EYS: variants seen among roughly 807,000 people sequenced by gnomAD.
EYS encodes EGF-like photoreceptor maintenance factor, also known as protein eyes shut homolog.
In EYS, 250 loss-of-function variants were observed where a neutral mutation model predicts 282.1. The ratio of observed to expected loss-of-function variants is 0.89; its 90% confidence interval spans 0.80 to 0.98. EYS has a LOEUF of 0.98. Ranked by LOEUF, EYS falls within the 50% of genes least tolerant of loss-of-function variation. EYS has a pLI of 0.00. For synonymous variants in EYS, 1,355 were observed against 1,282.9 expected (o/e 1.06, Z -1.20); for missense variants, 4,016 against 3,709.0 (o/e 1.08, Z -2.15).
intron 2 of EYS, among the ~76,000 whole-genome samples, chr6:65,612,032 ATTATC>A (rs1413692324): frequency 6.6e-6 from 1 of 151,900 alleles, no homozygotes; most frequent in African/African-American, 2.4e-5. Context: ...AACAATACTT[ATTATC>A]TTAACAATTT....
At chr6:65,631,271 G>A (rs1766900544) in intron 2 of EYS, among the ~76,000 whole-genome samples, 1 of 152,148 alleles carries the variant, frequency 6.6e-6, no homozygotes, top group Non-Finnish European at 1.5e-5. Context: ...ATTCTGTCTG[G>A]AGGATGGGGC....
intron 33 of EYS, among the ~76,000 whole-genome samples, chr6:64,064,134 T>C (rs1309277691): frequency 1.3e-5 from 2 of 152,254 alleles, no homozygotes; most frequent in Admixed American, 6.5e-5. Flanking sequence ...TCCTGCATCA[T>C]GTTTCTTTCA....
At chr6:64,661,549 C>T (rs568327016) in intron 22 of EYS, among the ~76,000 whole-genome samples, 93 of 152,116 alleles carry the variant, frequency 6.1e-4, no homozygotes, top group Middle Eastern at 3.4e-3. Flanking sequence ...AAGAAAAAAA[C>T]AACCCCATCA....
At chr6:64,841,581 C>T (rs1239053183) in intron 19 of EYS, among the ~76,000 whole-genome samples, 2 of 152,014 alleles carry the variant, frequency 1.3e-5, no homozygotes, top group Admixed American at 6.6e-5. Flanking sequence ...ATCTAAATTT[C>T]CCAATCCGAA....
rs534559841 is a variant in EYS, at chr6:64,130,904, G to T, written c.6425-48902C>A. Among the ~76,000 whole-genome samples, 8 of 152,264 alleles carry T rather than the reference G, an allele frequency of 5.3e-5. No individual in the cohort carries two copies. The South Asian group carries it at 1.7e-3, about 32-fold the overall frequency. ...TATTTTTGAGAAGGAGTCTCGCTCT[G>T]TCTCCCAGGCTGGAGTGAAGTGGCG... On this transcript the variant is annotated intron_variant, in intron 31 of 42. Transcript: ENST00000503581.
At chr6:64,852,932 A>T (rs562414021) in intron 19 of EYS, among the ~76,000 whole-genome samples, 1 of 152,244 alleles carries the variant, frequency 6.6e-6, no homozygotes, top group African/African-American at 2.4e-5. Flanking sequence ...TAAATCACCC[A>T]GTTTCTGGTA....
rs1253327694 is a variant in EYS at position 65,452,902 on chromosome 6, T to C, written c.862+37692A>G. Among the ~76,000 whole-genome samples, 5 of 151,958 alleles carry C rather than the reference T, an allele frequency of 3.3e-5. No homozygotes were observed. The East Asian group carries it at 9.7e-4, about 29-fold the overall frequency. On this transcript the variant is annotated intron_variant, in intron 5 of 42. Coordinates refer to ENST00000503581, the MANE Select transcript of EYS (RefSeq NM_001142800.2). The stretch of plus-strand genomic sequence containing the variant: ...AACAAACTGTAACAGGCAATCAATC[T>C]GATAATGAGAAATCCAAAAGAAGAC...
intron 5 of EYS, among the ~76,000 whole-genome samples, chr6:65,481,795 C>T (rs1000490463): frequency 3.9e-5 from 6 of 152,110 alleles, no homozygotes; most frequent in Admixed American, 1.3e-4. Flanking sequence ...TGGTCTCGAT[C>T]TCCTTACCTC....
chr6:65,378,574 C>T (rs879053451), intron 8 of EYS, among the ~76,000 whole-genome samples: 1 of 152,106 alleles, frequency 6.6e-6, no homozygotes, highest in Non-Finnish European at 1.5e-5. Context: ...ACTATAAAGA[C>T]ACATGCACAC....
chr6:65,428,457 C>T (rs1767747649), intron 5 of EYS, among the ~76,000 whole-genome samples: 1 of 151,894 alleles, frequency 6.6e-6, no homozygotes, highest in African/African-American at 2.4e-5. Flanking sequence ...TATATTAACT[C>T]ATTTAAATAT....
intron 2 of EYS, among the ~76,000 whole-genome samples, chr6:65,518,392 C>T (rs1767222613): frequency 6.6e-6 from 1 of 152,044 alleles, no homozygotes; most frequent in Non-Finnish European, 1.5e-5. Flanking sequence ...ATGTGTATTT[C>T]ACTAGTACAA....
At chr6:64,499,095 G>T (rs529195013) in intron 26 of EYS, among the ~76,000 whole-genome samples, 1 of 152,176 alleles carries the variant, frequency 6.6e-6, no homozygotes, top group African/African-American at 2.4e-5. Context: ...AAAAACATTC[G>T]TATTTCTCCA....
chr6:64,002,605 T>C (rs1768148912), intron 33 of EYS, among the ~76,000 whole-genome samples: 1 of 152,144 alleles, frequency 6.6e-6, no homozygotes, highest in South Asian at 2.1e-4. Flanking sequence ...TTCTAGGGGT[T>C]TGAGCTGCAG....
At chr6:63,915,265 C>CA (rs1764392586) in intron 35 of EYS, among the ~76,000 whole-genome samples, 1 of 152,126 alleles carries the variant, frequency 6.6e-6, no homozygotes, top group Non-Finnish European at 1.5e-5. Context: ...ATGCTAAAGC[C>CA]ATTCTGCTTG....
At chr6:65,166,904 A>T (rs1283579848) in intron 12 of EYS, among the ~76,000 whole-genome samples, 1 of 151,282 alleles carries the variant, frequency 6.6e-6, no homozygotes, top group Non-Finnish European at 1.5e-5. Context: ...CTTCCAAAGA[A>T]ATACATAATA....
chr6:64,056,388 G>C (rs568510141), intron 33 of EYS, among the ~76,000 whole-genome samples: 3 of 152,290 alleles, frequency 2.0e-5, no homozygotes, highest in Admixed American at 2.0e-4. Flanking sequence ...AGATTCGCCT[G>C]TTGGTGATTT....
At chr6:63,923,206 C>T (rs149195133) in intron 35 of EYS, among the ~76,000 whole-genome samples, 1 of 151,664 alleles carries the variant, frequency 6.6e-6, no homozygotes, top group Admixed American at 6.6e-5. Context: ...ATTTCATTCC[C>T]CTAGAATAGA....
intron 35 of EYS, among the ~76,000 whole-genome samples, chr6:63,895,672 A>C (rs1773517619): frequency 1.3e-5 from 2 of 152,102 alleles, no homozygotes; most frequent in Non-Finnish European, 2.9e-5. Flanking sequence ...ATACAGAGTA[A>C]AATATGGTCT....
At chr6:64,037,810 T>C (rs1770192464) in intron 33 of EYS, among the ~76,000 whole-genome samples, 1 of 152,222 alleles carries the variant, frequency 6.6e-6, no homozygotes, top group South Asian at 2.1e-4. Flanking sequence ...CTGTGAATTT[T>C]ATGCCTGCCT....
Sources: gnomAD v4.1 joint callset for allele counts (sites outside exome capture counted in the v4.1 genomes callset) on GRCh38, gnomAD v4.1.1 for gene constraint, MANE v1.5 for transcripts, NCBI Gene and HGNC (gene_info 2026-07-23, HGNC 2026-07-21) for gene names.